LIMK1: variants seen among roughly 807,000 people sequenced by gnomAD.
The protein encoded by LIMK1 is LIM domain kinase 1.
In LIMK1, 21 loss-of-function variants were observed where a neutral mutation model predicts 77.6. That is an observed-to-expected ratio of 0.27 (90% CI 0.19 to 0.39). The LOEUF is 0.39. Among genes scored for constraint, LIMK1 ranks in the 10% least tolerant of loss-of-function variants. LIMK1 has a pLI of 1.00. For synonymous variants in LIMK1, 358 were observed against 370.0 expected (o/e 0.97, Z 0.37); for missense variants, 696 against 901.6 (o/e 0.77, Z 2.92).
chr7:74,088,767 A>C (rs1799183534), intron 2 of LIMK1, among the ~76,000 whole-genome samples: 2 of 145,182 alleles, frequency 1.4e-5, no homozygotes, highest in South Asian at 4.4e-4. Flanking sequence ...ACGTCACTGC[A>C]CTCCAGCCTG....
At chr7:74,102,926 T>C (rs1160526520) in intron 5 of LIMK1, among the ~76,000 whole-genome samples, 1 of 151,122 alleles carries the variant, frequency 6.6e-6, no homozygotes, top group Non-Finnish European at 1.5e-5. Flanking sequence ...TGGAGCGCAA[T>C]GGCGCAATCT....
intron 12 of LIMK1, among the ~76,000 whole-genome samples, chr7:74,112,879 A>G (rs1403326249): frequency 7.9e-5 from 12 of 151,928 alleles, no homozygotes; most frequent in Admixed American, 6.6e-4. Flanking sequence ...CGGGCAGGCA[A>G]AGAGCCCAGT....
chr7:74,085,855 G>T lies in LIMK1; in HGVS notation c.152+11G>T. 1 of 1,544,518 alleles carries T rather than the reference G, an allele frequency of 6.5e-7. No individual in the cohort carries two copies. Among genetic ancestry groups the T allele is most frequent in the Non-Finnish European group, 8.7e-7 (1 of 1,143,684 alleles). ...CGCAGACTGCTTCAGGTAGGGTGGGGTGCCCAGGGCCTGTGTTGCCCTAAA... is the reference window on the plus strand; with the variant it reads ...CGCAGACTGCTTCAGGTAGGGTGGGTTGCCCAGGGCCTGTGTTGCCCTAAA... On this transcript the variant is annotated intron_variant, in intron 2 of 15. Coordinates refer to ENST00000336180, the MANE Select transcript of LIMK1 (RefSeq NM_002314.4).
At chr7:74,098,855 T>G (rs1342412347) in intron 4 of LIMK1, among the ~76,000 whole-genome samples, 177 bp from the exon 5 acceptor site, 1 of 150,338 alleles carries the variant, frequency 6.7e-6, no homozygotes, top group Non-Finnish European at 1.5e-5. Context: ...GACAGAGTCT[T>G]GCTTTGTCAC....
At chr7:74,110,810 T>C (rs528413583) in intron 10 of LIMK1, 1 of 152,138 alleles carries the variant, frequency 6.6e-6, no homozygotes, top group South Asian at 2.1e-4. Context: ...ATTACAGGCG[T>C]GAGCCACCAC....
intron 2 of LIMK1, among the ~76,000 whole-genome samples, chr7:74,088,987 G>C (rs776022547): frequency 6.6e-6 from 1 of 152,104 alleles, no homozygotes; most frequent in Non-Finnish European, 1.5e-5. Flanking sequence ...TGAGGATGGA[G>C]AGAATTTCAG....
intron 4 of LIMK1, among the ~76,000 whole-genome samples, chr7:74,098,037 A>G (rs1311613117): frequency 6.6e-6 from 1 of 152,128 alleles, no homozygotes; most frequent in Admixed American, 6.6e-5. Flanking sequence ...GTGATCACCA[A>G]CCAGGAAGCT....
intron 1 of LIMK1, among the ~76,000 whole-genome samples, chr7:74,084,912 G>T (rs1261868108): frequency 1.3e-5 from 2 of 152,274 alleles, no homozygotes; most frequent in South Asian, 2.1e-4. Context: ...AAACCTGATT[G>T]GGGTAGGGGC....
Position 74,085,824 on chromosome 7 carries a change from C to T in LIMK1, c.132C>T (p.Asp44=). 6.4e-7 allele frequency: 1 copy of T among 1,557,288 alleles called. No homozygotes were observed. Among genetic ancestry groups the T allele is most frequent in the Non-Finnish European group, 8.7e-7 (1 of 1,150,616 alleles). The part of the protein sequence containing the change: ...DGQYLQALNA[D]WHADCFRCCD... ...AGTACCTCCAGGCCCTGAACGCGGA[C>T]TGGCACGCAGACTGCTTCAGGTAGG... Residue 44 remains aspartate (D), a synonymous_variant, in exon 2 of 16, where the codon GAC becomes GAT. Coordinates refer to ENST00000336180, the MANE Select transcript of LIMK1 (RefSeq NM_002314.4).
chr7:74,095,682 A>C (rs868988670), intron 2 of LIMK1, among the ~76,000 whole-genome samples: 2 of 152,172 alleles, frequency 1.3e-5, no homozygotes, highest in Non-Finnish European at 2.9e-5. Context: ...CTGAGATTAC[A>C]GGCATGAGCC....
At position 74,092,166 on chromosome 7, in the gene LIMK1, A is replaced by G. The variant is rs560450176; in HGVS notation, c.153-4456A>G. On this transcript the variant is annotated intron_variant, in intron 2 of 15. Coordinates refer to ENST00000336180, the MANE Select transcript of LIMK1 (RefSeq NM_002314.4). ...TTTTTAATAGAGACGGGGTTTCACC[A>G]TGTTAGCCAGGCTGGCCTCAAACTC... is the stretch of plus-strand genomic sequence containing the variant. 2.5e-3 allele frequency among the ~76,000 whole-genome samples: 387 copies of G among 151,886 alleles called. 1 individual carries two copies. Among genetic ancestry groups the G allele is most frequent in the African/African-American group, 8.9e-3 (367 of 41,418 alleles).
In LIMK1 at chr7:74,107,119, C is replaced by T; in HGVS notation, c.991C>T (p.His331Tyr). The T allele has an allele frequency of 1.2e-6, 2 of 1,613,120 alleles. No homozygotes were observed. Among genetic ancestry groups the T allele is most frequent in the Non-Finnish European group, 1.7e-6 (2 of 1,179,924 alleles). ...GTCCCTCCGCGTAGTCTGCCGGCCA[C>T]ACCGCATCTTCCGGCCGTCGGACCT... ...SESLRVVCRPHRIFRPSDLIH... is the reference protein window; with the variant it reads ...SESLRVVCRPYRIFRPSDLIH... Residue 331 changes from histidine to tyrosine, a missense_variant, in exon 8 of 16, where the codon CAC becomes TAC. His to Tyr is a moderately conservative substitution (Grantham distance 83). Coordinates refer to ENST00000336180, the MANE Select transcript of LIMK1 (RefSeq NM_002314.4).
At chr7:74,118,300 C>T (rs918520050) in intron 13 of LIMK1, among the ~76,000 whole-genome samples, 6 of 149,912 alleles carry the variant, frequency 4.0e-5, no homozygotes, top group Admixed American at 1.4e-4. Flanking sequence ...TGATGTGAAC[C>T]CAGGAGGCGG....
intron 2 of LIMK1, among the ~76,000 whole-genome samples, chr7:74,090,588 C>G (rs1352759129): frequency 6.6e-6 from 1 of 152,212 alleles, no homozygotes; most frequent in Non-Finnish European, 1.5e-5. Flanking sequence ...GCCCAAGGTG[C>G]TAGACTCTGC....
intron 3 of LIMK1, 134 bp downstream of exon 3, chr7:74,096,894 A>T (rs1281535171): frequency 1.8e-5 from 22 of 1,238,662 alleles, no homozygotes; most frequent in Admixed American, 1.4e-4. Context: ...TCTGAGCCTG[A>T]CTGTCTGTCT....
rs1224543229 is a variant in LIMK1, at chr7:74,096,982, GTTT to G, written c.292-93_292-91del. 25 of 1,120,324 alleles carry G rather than the reference GTTT, an allele frequency of 2.2e-5. No homozygotes were observed. The Admixed American group carries it at 2.3e-4, about 10-fold the overall frequency. 69.4% of individuals were successfully genotyped at this position (1,120,324 alleles called of 1,614,324 possible). A position where few individuals can be genotyped will look rare whatever the true frequency, so the allele number is the denominator to read the frequency against. On this transcript the variant is annotated intron_variant, in intron 3 of 15. Transcript: ENST00000336180. ...GCTGGCCAGCCGGGTCCCTGCAGTT[GTTT>G]TTTTGGTGACACCCTTGGAAGAGGC...
chr7:74,093,085 C>A, intron 2 of LIMK1: 2 of 1,399,396 alleles, frequency 1.4e-6, no homozygotes, highest in Non-Finnish European at 1.9e-6. Context: ...GACCAAGTCC[C>A]CTGGCACCCA....
chr7:74,109,456 C>T lies in LIMK1; in HGVS notation c.1284+420C>T, dbSNP rs184112281. On this transcript the variant is annotated intron_variant, in intron 10 of 15. Transcript: ENST00000336180. ...AGTGCTCAGGCCAGGTGCAGTGGCT[C>T]ATGCCTATAATCTCAGCACTTTCAG... is the stretch of plus-strand genomic sequence containing the variant. 5.8e-4 allele frequency: 131 copies of T among 226,818 alleles called. 1 individual carries two copies. The highest frequency in any genetic ancestry group is 2.9e-3 in the African/African-American group (128 of 44,190). 14.1% of individuals were successfully genotyped at this position (226,818 alleles called of 1,614,324 possible).
chr7:74,106,028 C>T (rs1554697422), intron 6 of LIMK1, 48 bp downstream of exon 6: 9 of 1,612,500 alleles, frequency 5.6e-6, no homozygotes, highest in Non-Finnish European at 6.8e-6. Flanking sequence ...TGCCTTCATG[C>T]CTAGCCCCCT....
Sources: gnomAD v4.1 joint callset for allele counts (sites outside exome capture counted in the v4.1 genomes callset) on GRCh38, gnomAD v4.1.1 for gene constraint, MANE v1.5 for transcripts, NCBI Gene and HGNC (gene_info 2026-07-23, HGNC 2026-07-21) for gene names.